Variants in WDTC1 observed in about 807,000 individuals in gnomAD.
WDTC1 encodes WD and tetratricopeptide repeats protein 1.
A neutral mutation model predicts 76.0 loss-of-function variants in WDTC1; 12 were observed. That is an observed-to-expected ratio of 0.16 (90% CI 0.10 to 0.26). WDTC1 has a LOEUF of 0.26. WDTC1 is among the 10% of genes least tolerant of loss of function. The probability of loss-of-function intolerance (pLI) is 1.00; values close to 1 mark genes in which losing one functional copy is unlikely to be tolerated. For synonymous variants in WDTC1, 326 were observed against 350.8 expected, an observed-to-expected ratio of 0.93 and a Z score of 0.79; for missense variants, 511 against 908.8, an observed-to-expected ratio of 0.56 and a Z score of 5.63.
At chr1:27,240,098 C>T (rs2011585321) in intron 1 of WDTC1, among the ~76,000 whole-genome samples, 1 of 151,992 alleles carries the variant, frequency 6.6e-6, no homozygotes, top group South Asian at 2.1e-4. Context: ...ACCATGTTGG[C>T]CAAGCTGGTC....
At chr1:27,238,269 C>T (rs2011534136) in intron 1 of WDTC1, among the ~76,000 whole-genome samples, 2 of 101,138 alleles carry the variant, frequency 2.0e-5, no homozygotes, top group Admixed American at 2.4e-4. Flanking sequence ...GAACATGATA[C>T]CTCATTCAAA....
rs2147999157 is a variant in WDTC1 at position 27,306,112 on chromosome 1, C to T, written c.1837-74C>T. 6 of 1,546,998 alleles carry T rather than the reference C, an allele frequency of 3.9e-6. No homozygotes were observed. Among genetic ancestry groups the T allele is most frequent in the African/African-American group, 1.4e-5 (1 of 73,778 alleles). On this transcript the variant is annotated intron_variant, in intron 15 of 15. Coordinates refer to ENST00000319394, the MANE Select transcript of WDTC1 (RefSeq NM_001276252.2). This position sits in a 1 kb window ranked among gnomAD's most constrained non-coding sequence, Gnocchi z 5.0. ...TAGTTTAGTCTGTGTATTTCCCTCC[C>T]CCTCCCCTATACGTGTACCCTGGTG... is the stretch of plus-strand genomic sequence containing the variant.
At chr1:27,283,186 A>C in intron 4 of WDTC1, 152 bp from the exon 5 acceptor site, 1 of 619,884 alleles carries the variant, frequency 1.6e-6, no homozygotes, top group Non-Finnish European at 2.8e-6. Flanking sequence ...AAAATAGAAG[A>C]GAATCAGCTG....
At chr1:27,291,038 G>A (rs967503207) in intron 6 of WDTC1, among the ~76,000 whole-genome samples, 15 of 152,332 alleles carry the variant, frequency 9.8e-5, no homozygotes, top group East Asian at 3.9e-4. Flanking sequence ...GAAGCGGAGC[G>A]TCTAGCGCAT....
intron 10 of WDTC1, 36 bp downstream of exon 10, chr1:27,296,437 T>C: frequency 1.2e-6 from 2 of 1,608,532 alleles, no homozygotes; most frequent in East Asian, 2.2e-5. Context: ...ACTGCGGCGG[T>C]GTAGGGGAGC....
Position 27,303,276 on chromosome 1 carries a change from A to AAAAGT in WDTC1, c.1469-344_1469-343insAAGTA, listed in dbSNP as rs1433283303. 1.3e-4 allele frequency among the ~76,000 whole-genome samples: 19 copies of AAAAGT among 151,564 alleles called. No homozygotes were observed. The highest frequency in any genetic ancestry group is 4.6e-4 in the African/African-American group (19 of 41,268). ...GTGACCATCTCAAAAAAAAAAAAAA[A>AAAAGT]AGTCATCCATTCTCTCTTTGCTAGT... On this transcript the variant is annotated intron_variant, in intron 13 of 15. Coordinates refer to ENST00000319394, the MANE Select transcript of WDTC1 (RefSeq NM_001276252.2). This position sits in a 1 kb window ranked among gnomAD's most constrained non-coding sequence, Gnocchi z 4.8.
chr1:27,287,555 A>G (rs1325256735), intron 5 of WDTC1, 119 bp from the exon 6 acceptor site: 10 of 1,176,550 alleles, frequency 8.5e-6, no homozygotes, highest in East Asian at 2.6e-5. Flanking sequence ...CCCAGCCTGC[A>G]TGGGCTCATT....
rs921268902 is a variant in WDTC1, at chr1:27,283,466, A to G, written c.291+17A>G. 1.9e-6 allele frequency: 3 copies of G among 1,609,932 alleles called. No homozygotes were observed. The highest frequency in any genetic ancestry group is 2.5e-6 in the Non-Finnish European group (3 of 1,179,108). On this transcript the variant is annotated intron_variant, in intron 5 of 15. Transcript: ENST00000319394. ...TCTGTCAAGGTGAGCAGGACAAGCCACAGAGCAAGCACAAGCCACAGATCA... is the reference window on the plus strand; with the variant it reads ...TCTGTCAAGGTGAGCAGGACAAGCCGCAGAGCAAGCACAAGCCACAGATCA...
chr1:27,278,577 C>T (rs2013097774), intron 3 of WDTC1, among the ~76,000 whole-genome samples: 1 of 152,206 alleles, frequency 6.6e-6, no homozygotes, highest in Admixed American at 6.5e-5. Context: ...CTCTGCTCAC[C>T]TCCCTGAGCC....
At chr1:27,241,009 G>T (rs1178917150) in intron 1 of WDTC1, among the ~76,000 whole-genome samples, 1 of 151,400 alleles carries the variant, frequency 6.6e-6, no homozygotes, top group Non-Finnish European at 1.5e-5. Context: ...GCCTGAATAA[G>T]GGGAGGATGC....
chr1:27,266,709 A>G (rs186090635), intron 3 of WDTC1, among the ~76,000 whole-genome samples: 1 of 152,292 alleles, frequency 6.6e-6, no homozygotes, highest in Non-Finnish European at 1.5e-5. Context: ...CATCATTGTC[A>G]CATATGGACC....
Position 27,261,529 on chromosome 1 carries a change from T to TAA in WDTC1, c.48+429_48+430dup, listed in dbSNP as rs533961909. Among the ~76,000 whole-genome samples the TAA allele has an allele frequency of 1.4e-3, 219 of 152,376 alleles. 1 individual carries two copies. The highest frequency in any genetic ancestry group is 4.9e-3 in the African/African-American group (203 of 41,596). ...TATTCTCTTTGAGGCTCTCCTGTGC[T>TAA]AAAGCCTGTCCTCTGCAGTTTGTAT... On this transcript the variant is annotated intron_variant, in intron 2 of 15. Coordinates refer to ENST00000319394, the MANE Select transcript of WDTC1 (RefSeq NM_001276252.2).
At chr1:27,297,285 G>C in intron 11 of WDTC1, 129 bp downstream of exon 11, 1 of 822,322 alleles carries the variant, frequency 1.2e-6, no homozygotes, top group Non-Finnish European at 1.9e-6. Flanking sequence ...TGAGGACCAA[G>C]GCAAAGAGCC....
chr1:27,246,178 A>G (rs1570937930), intron 1 of WDTC1, among the ~76,000 whole-genome samples: 2 of 152,228 alleles, frequency 1.3e-5, no homozygotes, highest in African/African-American at 4.8e-5. Flanking sequence ...ACTTGTCACC[A>G]CTATCTAATT....
At position 27,297,457 on chromosome 1, in the gene WDTC1, A is replaced by C. The variant is rs147076602; in HGVS notation, c.1058+301A>C. 1.6e-3 allele frequency among the ~76,000 whole-genome samples: 247 copies of C among 152,276 alleles called. 2 individuals are homozygous for C. Among genetic ancestry groups the C allele is most frequent in the African/African-American group, 5.6e-3 (232 of 41,548 alleles). On this transcript the variant is annotated intron_variant, in intron 11 of 15. Transcript: ENST00000319394. ...TGTCTCCAAAAAGGGGCTGCATACA[A>C]ATGGGCCTCCGCATTATATTATTCC... is the stretch of plus-strand genomic sequence containing the variant.
chr1:27,299,324 T>TA (rs943825347), intron 12 of WDTC1, among the ~76,000 whole-genome samples: 2 of 152,068 alleles, frequency 1.3e-5, no homozygotes, highest in African/African-American at 4.8e-5. Context: ...AGTTCAGCAT[T>TA]AAAGAGATAG....
intron 8 of WDTC1, 50 bp downstream of exon 8, chr1:27,294,166 C>G: frequency 6.3e-7 from 1 of 1,580,466 alleles, no homozygotes; most frequent in Non-Finnish European, 8.7e-7. Context: ...GATGCTGACT[C>G]TTTTGGGGGC....
intron 1 of WDTC1, among the ~76,000 whole-genome samples, chr1:27,254,444 TA>T (rs1274145209): frequency 2.6e-5 from 4 of 151,894 alleles, no homozygotes; most frequent in African/African-American, 4.8e-5. Context: ...AAAAAATACA[TA>T]AAAAATAGCT....
Position 27,301,209 on chromosome 1 carries a change from C to T in WDTC1, c.1233-17C>T. The T allele has an allele frequency of 6.2e-7, 1 of 1,611,572 alleles. No individual in the cohort carries two copies. Among genetic ancestry groups the T allele is most frequent in the Non-Finnish European group, 8.5e-7 (1 of 1,178,356 alleles). ...CACGTGGCTCCACCTCCAAGCCGCT[C>T]TTCCCTGCCTTCCCAGGGATGGTGA... is the stretch of plus-strand genomic sequence containing the variant. On this transcript the variant is annotated splice_polypyrimidine_tract_variant and intron_variant, in intron 12 of 15. Coordinates refer to ENST00000319394, the MANE Select transcript of WDTC1 (RefSeq NM_001276252.2). This position sits in a 1 kb window ranked among gnomAD's most constrained non-coding sequence, Gnocchi z 5.8.
Sources: allele counts gnomAD v4.1 joint callset (sites outside exome capture counted in the v4.1 genomes callset), GRCh38; gene constraint gnomAD v4.1.1; non-coding constraint Gnocchi (gnomAD v3.1); transcripts MANE v1.5; gene names NCBI Gene and HGNC (gene_info 2026-07-23, HGNC 2026-07-21).